KALRN: variants seen among roughly 807,000 people sequenced by gnomAD.
The protein encoded by KALRN is kalirin.
A neutral mutation model predicts 353.7 loss-of-function variants in KALRN; 70 were observed. That is an observed-to-expected ratio of 0.20 (90% CI 0.16 to 0.24). The LOEUF is 0.24. KALRN is among the 10% of genes least tolerant of loss of function. KALRN has a pLI of 1.00. For synonymous variants in KALRN, 1,391 were observed against 1,434.8 expected, an observed-to-expected ratio of 0.97 and a Z score of 0.69; for missense variants, 2,791 against 3,756.7, an observed-to-expected ratio of 0.74 and a Z score of 6.72.
Position 124,161,188 on chromosome 3 carries a change from A to T in KALRN, c.74-66802A>T, listed in dbSNP as rs543963011. ...CATACCTCCATCCCTCCCCCAAAAA[A>T]GTAATGTACATACAGGACAAAGCTG... On this transcript the variant is annotated intron_variant, in intron 1 of 59. Coordinates refer to ENST00000682506, the MANE Select transcript of KALRN (RefSeq NM_001388419.1). Among the ~76,000 whole-genome samples, 10 of 152,358 alleles carry T rather than the reference A, an allele frequency of 6.6e-5. No individual in the cohort carries two copies. In the East Asian group the frequency reaches 7.7e-4, roughly 12 times the overall value.
chr3:124,249,718 A>G (rs75650044), intron 3 of KALRN, among the ~76,000 whole-genome samples: 2,024 of 152,228 alleles, frequency 0.013, 34 homozygotes, highest in African/African-American at 0.041. Flanking sequence ...TGAGCTAGTT[A>G]TGCATGGGGG....
chr3:124,634,826 G>A (rs2081185422), intron 36 of KALRN, among the ~76,000 whole-genome samples: 1 of 152,166 alleles, frequency 6.6e-6, no homozygotes, highest in African/African-American at 2.4e-5. Flanking sequence ...TGCAGTGGTG[G>A]TAGTGGATGT....
At chr3:124,356,601 A>G (rs1297918927) in intron 10 of KALRN, among the ~76,000 whole-genome samples, 1 of 151,942 alleles carries the variant, frequency 6.6e-6, no homozygotes, top group African/African-American at 2.4e-5. Context: ...CCAAAATGCT[A>G]GGATTTACAG....
chr3:124,131,492 A>G (rs1171489957), intron 1 of KALRN, among the ~76,000 whole-genome samples: 1 of 152,236 alleles, frequency 6.6e-6, no homozygotes, highest in Non-Finnish European at 1.5e-5. Flanking sequence ...CCAAATACTA[A>G]GAAGTAAGAT....
chr3:124,615,481 G>C (rs1388478880), intron 34 of KALRN, among the ~76,000 whole-genome samples: 1 of 152,150 alleles, frequency 6.6e-6, no homozygotes, highest in African/African-American at 2.4e-5. Context: ...CTATACTAAA[G>C]TATCTGGGAA....
chr3:124,134,916 A>G (rs920202698), intron 1 of KALRN, among the ~76,000 whole-genome samples: 3 of 152,220 alleles, frequency 2.0e-5, no homozygotes, highest in East Asian at 1.9e-4. Flanking sequence ...GAACACTTCT[A>G]CACTGCTGGT....
intron 1 of KALRN, among the ~76,000 whole-genome samples, chr3:124,075,490 C>T (rs2060217026): frequency 6.6e-6 from 1 of 152,158 alleles, no homozygotes. Context: ...TTGGGGTTGA[C>T]CTTGGCATTG....
chr3:124,392,705 A>G (rs1380961603), intron 11 of KALRN, among the ~76,000 whole-genome samples: 1 of 150,664 alleles, frequency 6.6e-6, no homozygotes, highest in Non-Finnish European at 1.5e-5. Flanking sequence ...CCTGGGTTCA[A>G]GTGATTCTCC....
At chr3:124,298,394 GTTGCTTCC>G (rs1290071005) in intron 5 of KALRN, among the ~76,000 whole-genome samples, 1 of 152,188 alleles carries the variant, frequency 6.6e-6, no homozygotes, top group Admixed American at 6.5e-5. Flanking sequence ...GGATGTCCCT[GTTGCTTCC>G]TTCAAAGATT....
chr3:124,113,677 G>T (rs1204199771), intron 1 of KALRN, among the ~76,000 whole-genome samples: 1 of 152,242 alleles, frequency 6.6e-6, no homozygotes, highest in Non-Finnish European at 1.5e-5. Flanking sequence ...CTACTGGCCA[G>T]GTGGCTGAGC....
intron 48 of KALRN, 43 bp downstream of exon 48, chr3:124,671,941 C>T: frequency 7.0e-7 from 1 of 1,421,760 alleles, no homozygotes; most frequent in Non-Finnish European, 9.9e-7. Flanking sequence ...ACTACGATGG[C>T]ATAGCCTCAG....
intron 27 of KALRN, among the ~76,000 whole-genome samples, chr3:124,479,964 C>A (rs532161962): frequency 1.0e-3 from 153 of 152,232 alleles, no homozygotes; most frequent in Middle Eastern, 3.4e-3. Context: ...ACCTCGTGAT[C>A]TACCCGCCTC....
chr3:124,086,554 T>A lies in KALRN; in HGVS notation c.73+52741T>A, dbSNP rs146328900. Among the ~76,000 whole-genome samples the A allele has an allele frequency of 1.1e-4, 17 of 152,282 alleles. No individual in the cohort carries two copies. The East Asian group carries it at 2.1e-3, about 19-fold the overall frequency. ...CTTTTTCTTAATGGTTTCTAGGAAC[T>A]TTTTGTAAATTAGAGATATTAACCC... On this transcript the variant is annotated intron_variant, in intron 1 of 59. Transcript: ENST00000682506.
intron 1 of KALRN, among the ~76,000 whole-genome samples, chr3:124,206,657 G>T (rs1579377371): frequency 6.6e-6 from 1 of 152,304 alleles, no homozygotes; most frequent in East Asian, 1.9e-4. Flanking sequence ...GTTAGACTAA[G>T]ATTTCATCTA....
At position 124,674,521 on chromosome 3, in the gene KALRN, A is replaced by G; in HGVS notation, c.7100A>G (p.Asp2367Gly). 6.2e-7 allele frequency: 1 copy of G among 1,613,814 alleles called. No homozygotes were observed. The highest frequency in any genetic ancestry group is 8.5e-7 in the Non-Finnish European group (1 of 1,179,902). The part of the protein sequence containing the change: ...NMCLVYQPAS[D>G]HSPAAEGWVP... Reference sequence around the variant, plus strand: ...TGTCTGGTGTACCAGCCTGCCAGCGACCATTCCCCCGCCGCCGAGGGCTGG... The same window carrying G: ...TGTCTGGTGTACCAGCCTGCCAGCGGCCATTCCCCCGCCGCCGAGGGCTGG... Residue 2367 changes from aspartate (D) to glycine (G), a missense_variant, in exon 49 of 60, where the codon GAC (aspartate) becomes GGC (glycine). Asp to Gly is a moderately conservative substitution (Grantham distance 94, BLOSUM62 -1). Transcript: ENST00000682506.
chr3:124,409,116 A>G (rs1017778450), intron 13 of KALRN, among the ~76,000 whole-genome samples: 3 of 152,232 alleles, frequency 2.0e-5, no homozygotes, highest in African/African-American at 7.2e-5. Flanking sequence ...CTGTCAAAAA[A>G]GTCATCATTT....
At chr3:124,112,444 G>T (rs2063076607) in intron 1 of KALRN, among the ~76,000 whole-genome samples, 2 of 152,068 alleles carry the variant, frequency 1.3e-5, no homozygotes, top group Admixed American at 1.3e-4. Flanking sequence ...GAGGTATGAA[G>T]GTACAAAGAT....
intron 5 of KALRN, among the ~76,000 whole-genome samples, chr3:124,295,966 C>A (rs1192457956): frequency 6.6e-6 from 1 of 152,164 alleles, no homozygotes; most frequent in African/African-American, 2.4e-5. Context: ...CAAATATCGA[C>A]CCAACCTCTA....
At chr3:124,718,873 A>G in intron 59 of KALRN, 52 bp from the exon 60 acceptor site, 2 of 1,535,472 alleles carry the variant, frequency 1.3e-6, no homozygotes, top group East Asian at 4.5e-5. Flanking sequence ...AGTAGTCAAA[A>G]TAGAGGCCTA....
Sources: gnomAD v4.1 joint callset for allele counts (sites outside exome capture counted in the v4.1 genomes callset) on GRCh38, gnomAD v4.1.1 for gene constraint, MANE v1.5 for transcripts, NCBI Gene and HGNC (gene_info 2026-07-23, HGNC 2026-07-21) for gene names.